Variants in PIWIL2 observed in about 807,000 individuals in gnomAD.
The protein encoded by PIWIL2 is piwi-like protein 2.
PIWIL2 carries 81 observed loss-of-function variants against 116.5 expected under a neutral mutation model. The ratio of observed to expected loss-of-function variants is 0.70; its 90% CI spans 0.58 to 0.84. The LOEUF is 0.84. Among genes scored for constraint, PIWIL2 ranks in the 40% least tolerant of loss-of-function variants. The probability of loss-of-function intolerance (pLI) is 0.00; values close to 1 mark genes in which losing one functional copy is unlikely to be tolerated. For missense variants in PIWIL2, 1,272 were observed against 1,212.3 expected (o/e 1.05, Z -0.73); for synonymous variants, 489 against 429.5 (o/e 1.14, Z -1.71).
rs1330752216 is a variant in PIWIL2, at chr8:22,284,241, G to A, written c.712G>A (p.Glu238Lys). Residue 238 changes from glutamate (E) to lysine (K), a missense_variant, in exon 6 of 23, where the codon GAA (glutamate) becomes AAA (lysine). Glu to Lys is a moderately conservative substitution (Grantham distance 56). Transcript: ENST00000356766. ...LNLVKIQCHNEAVYQYHVTFS... is the reference protein window; with the variant it reads ...LNLVKIQCHNKAVYQYHVTFS... Reference sequence around the variant, plus strand: ...CCTCGTCAAAATACAGTGTCATAATGAAGCAGTTTATCAATATCATGTGAC... The same window carrying A: ...CCTCGTCAAAATACAGTGTCATAATAAAGCAGTTTATCAATATCATGTGAC... The A allele has an allele frequency of 1.9e-6, 3 of 1,597,286 alleles. No homozygotes were observed. Among genetic ancestry groups the A allele is most frequent in the Non-Finnish European group, 2.6e-6 (3 of 1,169,342 alleles).
intron 8 of PIWIL2, among the ~76,000 whole-genome samples, 153 bp downstream of exon 8, chr8:22,288,819 T>TA (rs1830690899): frequency 6.6e-6 from 1 of 152,218 alleles, no homozygotes; most frequent in African/African-American, 2.4e-5. Flanking sequence ...GAGGCTAACT[T>TA]ACTCAAAAAT....
chr8:22,297,287 ATT>A (rs970995114), intron 10 of PIWIL2, among the ~76,000 whole-genome samples: 1 of 151,666 alleles, frequency 6.6e-6, no homozygotes, highest in African/African-American at 2.4e-5. Context: ...AGCCTATTTT[ATT>A]TTTATTTTTG....
Position 22,311,122 on chromosome 8 carries a change from A to G in PIWIL2, c.1811A>G (p.His604Arg), listed in dbSNP as rs1831318828. 2 of 1,610,302 alleles carry G rather than the reference A, an allele frequency of 1.2e-6. No individual in the cohort carries two copies. Among genetic ancestry groups the G allele is most frequent in the Non-Finnish European group, 1.7e-6 (2 of 1,178,544 alleles). Residue 604 changes from histidine (H) to arginine (R), a missense_variant, in exon 16 of 23, where the codon CAT becomes CGT. Coordinates refer to ENST00000356766, the MANE Select transcript of PIWIL2 (RefSeq NM_018068.5). ...RDPSILTIPMHFWALFYPKRA... is the reference protein window; with the variant it reads ...RDPSILTIPMRFWALFYPKRA... ...CTTGGTTGTTCCTAGATCCCCATGC[A>G]TTTCTGGGCACTTTTTTACCCAAAG...
chr8:22,343,129 G>A (rs868351184), intron 20 of PIWIL2, among the ~76,000 whole-genome samples: 19 of 152,130 alleles, frequency 1.2e-4, no homozygotes, highest in Middle Eastern at 6.8e-3. Context: ...TAGGCCAGGC[G>A]CAGTGGCTCA....
At position 22,306,908 on chromosome 8, in the gene PIWIL2, AATTC is replaced by A. The variant is rs554582426; in HGVS notation, c.1545+899_1545+902del. On this transcript the variant is annotated intron_variant, in intron 13 of 22. Transcript: ENST00000356766. ...ACCTCAGAGGGAATAACAGCTGTGC[AATTC>A]ATTCATCTCAGAAGAATAAAGAAAG... Among the ~76,000 whole-genome samples the A allele has an allele frequency of 4.2e-3, 645 of 152,322 alleles. 4 individuals carry two copies. The highest frequency in any genetic ancestry group is 0.015 in the African/African-American group (624 of 41,566).
chr8:22,282,779 G>A (rs752453681), intron 4 of PIWIL2, among the ~76,000 whole-genome samples: 2 of 151,894 alleles, frequency 1.3e-5, no homozygotes, highest in Non-Finnish European at 2.9e-5. Context: ...TTTATAGTGC[G>A]GGGTCTCACT....
intron 20 of PIWIL2, among the ~76,000 whole-genome samples, chr8:22,350,117 T>C (rs938250425): frequency 1.3e-5 from 2 of 152,144 alleles, no homozygotes; most frequent in African/African-American, 4.8e-5. Flanking sequence ...GACAGCCCTC[T>C]AGGATGAAGA....
intron 20 of PIWIL2, among the ~76,000 whole-genome samples, chr8:22,340,133 AC>A (rs1832075622): frequency 7.1e-6 from 1 of 140,274 alleles, no homozygotes; most frequent in Non-Finnish European, 1.5e-5. Context: ...GCTCACCGCA[AC>A]CTCCGCCTCC....
At chr8:22,345,175 A>T (rs193070462) in intron 20 of PIWIL2, among the ~76,000 whole-genome samples, 1 of 152,244 alleles carries the variant, frequency 6.6e-6, no homozygotes, top group African/African-American at 2.4e-5. Flanking sequence ...GGCAACATAG[A>T]CTCCATATGT....
chr8:22,339,506 C>CAA (rs60263168), intron 20 of PIWIL2, among the ~76,000 whole-genome samples: 31 of 147,680 alleles, frequency 2.1e-4, no homozygotes, highest in African/African-American at 6.9e-4. Flanking sequence ...GACTCCATCT[C>CAA]AAAAAAAAAA....
chr8:22,309,941 A>C lies in PIWIL2; in HGVS notation c.1687-20A>C, dbSNP rs886414945. The C allele has an allele frequency of 7.1e-7, 1 of 1,417,364 alleles. No individual in the cohort carries two copies. Among genetic ancestry groups the C allele is most frequent in the East Asian group, 2.3e-5 (1 of 43,964 alleles). The allele number at this position is 1,417,364 out of a possible 1,614,324, so 87.8% of individuals were successfully genotyped here. On this transcript the variant is annotated intron_variant, in intron 14 of 22. Transcript: ENST00000356766. ...GCGTTTGAAAAGGCTCATGTCATAG[A>C]TGGTTTATTTTCTGTTTAGATTGAA...
intron 20 of PIWIL2, among the ~76,000 whole-genome samples, chr8:22,326,528 A>G (rs754040841): frequency 6.6e-6 from 1 of 152,170 alleles, no homozygotes; most frequent in Non-Finnish European, 1.5e-5. Flanking sequence ...AATTTCTGGT[A>G]ACATCTAATT....
Position 22,312,167 on chromosome 8 carries a change from G to A in PIWIL2, c.1989+867G>A, listed in dbSNP as rs558275873. Among the ~76,000 whole-genome samples, 17 of 151,990 alleles carry A rather than the reference G, an allele frequency of 1.1e-4. No homozygotes were observed. In the South Asian group the frequency reaches 3.3e-3, roughly 30 times the overall value. ...TAGTACCAGCTACTCAGGAGGCTGAGGTGGGAGAATCACCTGAGCCTGGGG... is the reference window on the plus strand; with the variant it reads ...TAGTACCAGCTACTCAGGAGGCTGAAGTGGGAGAATCACCTGAGCCTGGGG... On this transcript the variant is annotated intron_variant, in intron 16 of 22. Transcript: ENST00000356766.
Position 22,357,060 on chromosome 8 carries a change from C to T in PIWIL2, c.*1555C>T, listed in dbSNP as rs1031303760. 2.6e-5 allele frequency: 4 copies of T among 152,080 alleles called. No individual in the cohort carries two copies. The highest frequency in any genetic ancestry group is 5.9e-5 in the Non-Finnish European group (4 of 68,020). The allele number at this position is 152,080 out of a possible 1,614,324, so 9.4% of individuals were successfully genotyped here. ...ATATGACAATGTGTGAGAAAAGAAA[C>T]TTTAGCTTAAAACTCCGTAAAATGT... On this transcript the variant is annotated 3_prime_UTR_variant, in exon 23 of 23. Coordinates refer to ENST00000356766, the MANE Select transcript of PIWIL2 (RefSeq NM_018068.5).
intron 10 of PIWIL2, among the ~76,000 whole-genome samples, chr8:22,293,287 C>G (rs1441515178): frequency 2.0e-5 from 3 of 151,888 alleles, no homozygotes; most frequent in African/African-American, 4.8e-5. Context: ...CCAGCCTAGG[C>G]AAGCAAGTGA....
At chr8:22,310,610 CTTGATGAGTTTTTT>C (rs1831304395) in intron 15 of PIWIL2, among the ~76,000 whole-genome samples, 1 of 150,616 alleles carries the variant, frequency 6.6e-6, no homozygotes, top group Non-Finnish European at 1.5e-5. Context: ...AAACGTGTAA[CTTGATGAGTTTTTT>C]TTTAATTAAA....
intron 20 of PIWIL2, among the ~76,000 whole-genome samples, chr8:22,327,007 T>C (rs935630445): frequency 6.7e-6 from 1 of 150,164 alleles, no homozygotes; most frequent in Non-Finnish European, 1.5e-5. Context: ...CAACAATTGC[T>C]ATTTTCTGTT....
intron 4 of PIWIL2, among the ~76,000 whole-genome samples, chr8:22,282,252 T>TC (rs1357691569): frequency 5.4e-5 from 7 of 129,004 alleles, no homozygotes; most frequent in Non-Finnish European, 1.2e-4. Flanking sequence ...GGCTTTTTTT[T>TC]TTTTTTTTTT....
At chr8:22,280,212 A>T (rs115711059) in intron 2 of PIWIL2, among the ~76,000 whole-genome samples, 1,821 of 152,212 alleles carry the variant, frequency 0.012, 36 homozygotes, top group African/African-American at 0.042. Flanking sequence ...TGTTTTCTGA[A>T]TATTTAGATT....
Sources: allele counts gnomAD v4.1 joint callset (sites outside exome capture counted in the v4.1 genomes callset), GRCh38; gene constraint gnomAD v4.1.1; transcripts MANE v1.5; gene names NCBI Gene and HGNC (gene_info 2026-07-23, HGNC 2026-07-21).